Variants in MDFIC2 observed in about 807,000 individuals in gnomAD.
MDFIC2 encodes the protein MyoD family inhibitor domain containing 2.
chr3:70,272,502 C>T (rs1402528497), intron 2 of MDFIC2, among the ~76,000 whole-genome samples: 1 of 152,200 alleles, frequency 6.6e-6, no homozygotes, highest in Non-Finnish European at 1.5e-5. Flanking sequence ...TATCTGTTCT[C>T]CCCTGATGGA....
intron 2 of MDFIC2, among the ~76,000 whole-genome samples, chr3:70,248,578 G>A (rs1172061246): frequency 1.3e-5 from 2 of 152,032 alleles, no homozygotes; most frequent in African/African-American, 4.8e-5. Flanking sequence ...GAAAGAGAAT[G>A]TTGGCAGCAG....
rs143707669 is a variant in MDFIC2, at chr3:70,241,088, G to A, written c.89-34298C>T. On this transcript the variant is annotated intron_variant, in intron 2 of 3. Coordinates refer to ENST00000567252, the MANE Select transcript of MDFIC2 (RefSeq NM_001364677.1). ...CCTGTGATGTGACTGCGGTGACACT[G>A]ACTTCTGTGACTTCTGTTCATGGAT... 3.4e-3 allele frequency among the ~76,000 whole-genome samples: 525 copies of A among 152,226 alleles called. 2 individuals are homozygous for A. The highest frequency in any genetic ancestry group is 0.012 in the African/African-American group (485 of 41,520).
chr3:70,261,137 A>G (rs527405419), intron 2 of MDFIC2, among the ~76,000 whole-genome samples: 1 of 152,312 alleles, frequency 6.6e-6, no homozygotes, highest in East Asian at 1.9e-4. Flanking sequence ...GTCCATTAGC[A>G]GATAATATTG....
At chr3:70,310,351 AT>A (rs1391429736) in intron 2 of MDFIC2, among the ~76,000 whole-genome samples, 1 of 151,666 alleles carries the variant, frequency 6.6e-6, no homozygotes, top group Non-Finnish European at 1.5e-5. Context: ...TATTTTTATT[AT>A]TTTTAATTTT....
chr3:70,210,438 C>A (rs761101047), intron 2 of MDFIC2, among the ~76,000 whole-genome samples: 6 of 152,056 alleles, frequency 3.9e-5, no homozygotes, highest in Admixed American at 3.9e-4. Flanking sequence ...AGAATTCTGA[C>A]ATCTGAAGTG....
At chr3:70,229,951 A>G (rs1701542785) in intron 2 of MDFIC2, among the ~76,000 whole-genome samples, 1 of 152,212 alleles carries the variant, frequency 6.6e-6, no homozygotes, top group African/African-American at 2.4e-5. Context: ...TTATAATGAT[A>G]CAAATATTTA....
At chr3:70,202,834 C>T (rs922954249) in intron 3 of MDFIC2, among the ~76,000 whole-genome samples, 4 of 152,064 alleles carry the variant, frequency 2.6e-5, no homozygotes, top group Non-Finnish European at 5.9e-5. Flanking sequence ...TGGGGACTGG[C>T]TAATTAGGAG....
intron 2 of MDFIC2, among the ~76,000 whole-genome samples, chr3:70,267,454 G>A (rs1701926987): frequency 7.7e-6 from 1 of 130,418 alleles, no homozygotes; most frequent in African/African-American, 2.9e-5. Flanking sequence ...CCAGGCTGGT[G>A]TGCAGTGGCG....
intron 2 of MDFIC2, among the ~76,000 whole-genome samples, chr3:70,217,807 A>G (rs1305477349): frequency 6.6e-6 from 1 of 152,154 alleles, no homozygotes; most frequent in Non-Finnish European, 1.5e-5. Context: ...TTATTTAGCT[A>G]GTTCTGTCTC....
At chr3:70,211,752 C>T (rs1701352112) in intron 2 of MDFIC2, among the ~76,000 whole-genome samples, 1 of 141,600 alleles carries the variant, frequency 7.1e-6, no homozygotes, top group African/African-American at 2.6e-5. Context: ...TTCTTCCTTT[C>T]TGCTTTTCTT....
intron 2 of MDFIC2, among the ~76,000 whole-genome samples, chr3:70,214,814 T>C (rs887247595): frequency 2.0e-5 from 3 of 152,046 alleles, no homozygotes; most frequent in African/African-American, 7.2e-5. Context: ...CTCCATTTCA[T>C]TTTTATGCAG....
rs149292531 is a variant in MDFIC2, at chr3:70,221,825, A to AT, written c.89-15036dup. 6.8e-3 allele frequency among the ~76,000 whole-genome samples: 1,038 copies of AT among 152,236 alleles called. 61 individuals are homozygous for AT. The East Asian group carries it at 0.15, about 22-fold the overall frequency. ...CTTGCCATTTACAGGACATTGCTAA[A>AT]TTTTTTGGCTGGGGCAAAAGTAATT... On this transcript the variant is annotated intron_variant, in intron 2 of 3. Coordinates refer to ENST00000567252, the MANE Select transcript of MDFIC2 (RefSeq NM_001364677.1).
At chr3:70,240,949 G>A (rs1317599662) in intron 2 of MDFIC2, among the ~76,000 whole-genome samples, 2 of 152,128 alleles carry the variant, frequency 1.3e-5, no homozygotes, top group Non-Finnish European at 2.9e-5. Flanking sequence ...TGATAAATGA[G>A]CCAAGTTAAT....
At chr3:70,258,348 C>A (rs930509997) in intron 2 of MDFIC2, among the ~76,000 whole-genome samples, 1 of 151,624 alleles carries the variant, frequency 6.6e-6, no homozygotes, top group African/African-American at 2.4e-5. Flanking sequence ...AAATAAAAAG[C>A]GAGCATATAT....
Position 70,301,185 on chromosome 3 carries a change from T to C in MDFIC2, c.88+10701A>G, listed in dbSNP as rs1029169392. Among the ~76,000 whole-genome samples the C allele has an allele frequency of 2.0e-5, 3 of 152,096 alleles. No individual in the cohort carries two copies. The South Asian group carries it at 6.2e-4, about 31-fold the overall frequency. On this transcript the variant is annotated intron_variant, in intron 2 of 3. Transcript: ENST00000567252. ...ATTTAAGTTAATATTTTAAAATTAA[T>C]TCTGTTGTTTCAAGTGACTCTTTAG...
At chr3:70,281,586 G>C (rs1005172953) in intron 2 of MDFIC2, among the ~76,000 whole-genome samples, 5 of 151,984 alleles carry the variant, frequency 3.3e-5, no homozygotes, top group Non-Finnish European at 5.9e-5. Flanking sequence ...CAAACAAATT[G>C]CTCTAGTTAT....
intron 2 of MDFIC2, among the ~76,000 whole-genome samples, chr3:70,243,287 A>G (rs978024300): frequency 3.3e-5 from 5 of 151,974 alleles, no homozygotes; most frequent in Admixed American, 2.0e-4. Flanking sequence ...GGCCTTTGAA[A>G]TGTCTTCTAT....
chr3:70,288,961 G>A (rs1228487691), intron 2 of MDFIC2, among the ~76,000 whole-genome samples: 271 of 151,988 alleles, frequency 1.8e-3, no homozygotes, highest in African/African-American at 6.2e-3. Context: ...GTCTCTGCAC[G>A]TGAGATGGGT....
chr3:70,202,254 A>G lies in MDFIC2; in HGVS notation c.310+4315T>C, dbSNP rs114446591. 8.2e-3 allele frequency among the ~76,000 whole-genome samples: 1,250 copies of G among 152,176 alleles called. 15 individuals carry two copies. The highest frequency in any genetic ancestry group is 0.029 in the African/African-American group (1,187 of 41,526). On this transcript the variant is annotated intron_variant, in intron 3 of 3. Coordinates refer to ENST00000567252, the MANE Select transcript of MDFIC2 (RefSeq NM_001364677.1). ...TGGTTAGTGACTAATGGCCTATTTGATAGTGGTCAGTGACTAGTGGTCTTT... is the reference window on the plus strand; with the variant it reads ...TGGTTAGTGACTAATGGCCTATTTGGTAGTGGTCAGTGACTAGTGGTCTTT...
Sources: gnomAD v4.1 joint callset for allele counts (sites outside exome capture counted in the v4.1 genomes callset) on GRCh38, gnomAD v4.1.1 for gene constraint, MANE v1.5 for transcripts, NCBI Gene and HGNC (gene_info 2026-07-23, HGNC 2026-07-21) for gene names.